MICU1: variants seen among roughly 807,000 people sequenced by gnomAD.
MICU1 encodes mitochondrial calcium uptake 1.
A neutral mutation model predicts 56.8 loss-of-function variants in MICU1; 45 were observed. The ratio of observed to expected loss-of-function variants is 0.79; its 90% confidence interval spans 0.62 to 1.02. The LOEUF (loss-of-function observed/expected upper bound fraction) is 1.02. MICU1 is among the 50% of genes least tolerant of loss of function. The probability of loss-of-function intolerance (pLI) is 0.00; values close to 1 mark genes in which losing one functional copy is unlikely to be tolerated. For synonymous variants in MICU1, 186 were observed against 195.1 expected (o/e 0.95, Z 0.39); for missense variants, 504 against 587.1 (o/e 0.86, Z 1.46).
intron 10 of MICU1, chr10:72,391,955 C>CCGCA (rs1372714551): frequency 1.3e-5 from 2 of 152,082 alleles, no homozygotes; most frequent in African/African-American, 4.8e-5. Context: ...CAAGGGTCAC[C>CCGCA]CGCATCTAGT....
intron 5 of MICU1, among the ~76,000 whole-genome samples, chr10:72,518,862 G>C (rs1452851175): frequency 1.3e-5 from 2 of 152,050 alleles, no homozygotes; most frequent in Non-Finnish European, 2.9e-5. Flanking sequence ...TGTATTTTTA[G>C]TAAAGACAGG....
At chr10:72,594,690 A>T (rs1022576368) in intron 1 of MICU1, among the ~76,000 whole-genome samples, 2 of 152,028 alleles carry the variant, frequency 1.3e-5, no homozygotes, top group Non-Finnish European at 2.9e-5. Flanking sequence ...CTTGAGGCCC[A>T]GAGTTCAAGT....
At position 72,417,249 on chromosome 10, in the gene MICU1, G is replaced by A. The variant is rs376089286; in HGVS notation, c.1071+5985C>T. Among the ~76,000 whole-genome samples, 4 of 152,198 alleles carry A rather than the reference G, an allele frequency of 2.6e-5. No homozygotes were observed. In the East Asian group the frequency reaches 5.8e-4, roughly 22 times the overall value. ...GGGTGGATCACGAGGTCAGGAGATC[G>A]AGACCATCCTGGCTGACATGGTGAA... On this transcript the variant is annotated intron_variant, in intron 9 of 11. Transcript: ENST00000361114.
At chr10:72,471,092 AT>A (rs1167026576) in intron 8 of MICU1, among the ~76,000 whole-genome samples, 1 of 151,788 alleles carries the variant, frequency 6.6e-6, no homozygotes, top group Non-Finnish European at 1.5e-5. Flanking sequence ...GCTACACAAT[AT>A]GTTTTTTTTT....
chr10:72,452,285 G>C (rs1425610039), intron 8 of MICU1, among the ~76,000 whole-genome samples: 1 of 152,178 alleles, frequency 6.6e-6, no homozygotes, highest in Admixed American at 6.5e-5. Context: ...GAGGATACAC[G>C]CTATCTATGG....
At chr10:72,608,749 T>C (rs1027445718) in intron 1 of MICU1, among the ~76,000 whole-genome samples, 1 of 152,212 alleles carries the variant, frequency 6.6e-6, no homozygotes, top group Admixed American at 6.5e-5. Context: ...CATACTTAAC[T>C]GTAACCTAAC....
At chr10:72,374,806 A>ATT (rs1862461272) in intron 11 of MICU1, among the ~76,000 whole-genome samples, 1 of 112,278 alleles carries the variant, frequency 8.9e-6, no homozygotes, top group African/African-American at 3.9e-5. Flanking sequence ...ATCTACTATT[A>ATT]TCTTTTTTTT....
intron 5 of MICU1, among the ~76,000 whole-genome samples, chr10:72,527,736 C>T (rs991939876): frequency 2.0e-5 from 3 of 152,070 alleles, no homozygotes; most frequent in Admixed American, 6.6e-5. Context: ...ATGTATAAGC[C>T]TGGAACATAA....
intron 1 of MICU1, among the ~76,000 whole-genome samples, chr10:72,569,427 G>A (rs1235261039): frequency 1.3e-5 from 2 of 150,300 alleles, no homozygotes; most frequent in Non-Finnish European, 3.0e-5. Context: ...TAGAGATGGG[G>A]TTTCATCATG....
chr10:72,533,656 A>G, intron 5 of MICU1, 90 bp downstream of exon 5: 1 of 951,584 alleles, frequency 1.1e-6, no homozygotes, highest in East Asian at 2.6e-5. Context: ...ACAGGTATTC[A>G]GTGATTTCTC....
At chr10:72,415,139 C>T (rs1187963515) in intron 9 of MICU1, among the ~76,000 whole-genome samples, 1 of 151,832 alleles carries the variant, frequency 6.6e-6, no homozygotes, top group Non-Finnish European at 1.5e-5. Context: ...CCTTAGCTTC[C>T]CAAGTGGCTG....
intron 1 of MICU1, among the ~76,000 whole-genome samples, chr10:72,599,271 G>A (rs1407982610): frequency 6.6e-6 from 1 of 152,108 alleles, no homozygotes; most frequent in Non-Finnish European, 1.5e-5. Flanking sequence ...GGACTTACAA[G>A]TCTTAAATTC....
At chr10:72,495,891 C>T (rs1866824534) in intron 6 of MICU1, among the ~76,000 whole-genome samples, 1 of 151,930 alleles carries the variant, frequency 6.6e-6, no homozygotes, top group South Asian at 2.1e-4. Flanking sequence ...TTTAAAAATG[C>T]TAGACGGGAT....
intron 4 of MICU1, among the ~76,000 whole-genome samples, chr10:72,545,248 T>C (rs1400504858): frequency 6.6e-6 from 1 of 152,202 alleles, no homozygotes; most frequent in Non-Finnish European, 1.5e-5. Flanking sequence ...TATCAGACTT[T>C]CCTCATGATT....
chr10:72,467,520 A>G (rs969970162), intron 8 of MICU1, among the ~76,000 whole-genome samples: 3 of 151,912 alleles, frequency 2.0e-5, no homozygotes, highest in African/African-American at 7.2e-5. Flanking sequence ...GGGATTCGCC[A>G]TGTTGGCCAG....
chr10:72,461,989 A>C (rs150742229), intron 8 of MICU1, among the ~76,000 whole-genome samples: 10 of 152,272 alleles, frequency 6.6e-5, no homozygotes, highest in African/African-American at 2.2e-4. Flanking sequence ...CTGGAGCCAG[A>C]CTGCCTGGAA....
intron 1 of MICU1, among the ~76,000 whole-genome samples, chr10:72,596,299 A>G (rs1841378981): frequency 6.6e-6 from 1 of 152,136 alleles, no homozygotes; most frequent in Non-Finnish European, 1.5e-5. Flanking sequence ...TTAGCCAGGC[A>G]TGGTAGTACA....
At chr10:72,446,176 G>T (rs1174974296) in intron 8 of MICU1, among the ~76,000 whole-genome samples, 1 of 152,038 alleles carries the variant, frequency 6.6e-6, no homozygotes, top group Non-Finnish European at 1.5e-5. Context: ...ATATTGTATG[G>T]AAAAACATAG....
At chr10:72,473,653 G>C (rs1293472482) in intron 8 of MICU1, among the ~76,000 whole-genome samples, 1 of 152,002 alleles carries the variant, frequency 6.6e-6, no homozygotes, top group South Asian at 2.1e-4. Flanking sequence ...AGAGGAAACC[G>C]GAGTACTCAG....
Sources: gnomAD v4.1 joint callset for allele counts (sites outside exome capture counted in the v4.1 genomes callset) on GRCh38, gnomAD v4.1.1 for gene constraint, MANE v1.5 for transcripts, NCBI Gene and HGNC (gene_info 2026-07-23, HGNC 2026-07-21) for gene names.